The following JMJD1C variants were observed in gnomAD, a reference collection of about 807,000 sequenced individuals.
JMJD1C encodes the protein jumonji domain containing 1C.
Under a neutral mutation model 245.3 loss-of-function variants are expected in JMJD1C, and 31 were observed. The observed-to-expected ratio is 0.13, with a 90% CI of 0.09 to 0.17. The LOEUF is 0.17. JMJD1C is among the 10% of genes least tolerant of loss of function. The pLI, the probability that JMJD1C is intolerant of heterozygous loss-of-function variation, is 1.00. For synonymous variants in JMJD1C, 1,057 were observed against 1,017.4 expected (o/e 1.04, Z -0.74); for missense variants, 2,691 against 3,000.2 (o/e 0.90, Z 2.41).
intron 1 of JMJD1C, among the ~76,000 whole-genome samples, chr10:63,426,975 AT>A (rs1950478206): frequency 6.6e-6 from 1 of 152,226 alleles, no homozygotes; most frequent in African/African-American, 2.4e-5. Flanking sequence ...TGCTTCGATT[AT>A]TTCCTTAAAA....
chr10:63,428,183 A>AT (rs1163051997), intron 1 of JMJD1C, among the ~76,000 whole-genome samples: 2 of 152,148 alleles, frequency 1.3e-5, no homozygotes, highest in Non-Finnish European at 2.9e-5. Flanking sequence ...ACAGGAAAAC[A>AT]TTTTTCTTTT....
upstream of JMJD1C, chr10:63,466,378 G>C (rs1953284187): frequency 1.3e-5 from 2 of 152,866 alleles, no homozygotes; most frequent in African/African-American, 4.8e-5. Context: ...GAGTTAGCCT[G>C]AATTAGCAGT....
chr10:63,334,129 C>G (rs1343779378), intron 2 of JMJD1C, among the ~76,000 whole-genome samples: 1 of 152,172 alleles, frequency 6.6e-6, no homozygotes, highest in Non-Finnish European at 1.5e-5. Flanking sequence ...GGTAGACATA[C>G]TCCATTATTC....
At chr10:63,330,033 T>C (rs554500784) in intron 2 of JMJD1C, among the ~76,000 whole-genome samples, 37 of 152,306 alleles carry the variant, frequency 2.4e-4, no homozygotes, top group Non-Finnish European at 4.7e-4. Flanking sequence ...CCCGAGTAGC[T>C]GGGACTACAG....
chr10:63,343,583 T>C (rs544381257), intron 2 of JMJD1C, among the ~76,000 whole-genome samples: 8 of 152,198 alleles, frequency 5.3e-5, no homozygotes, highest in Middle Eastern at 3.4e-3. Context: ...GAATGTAAAA[T>C]ATGAAACTAA....
chr10:63,460,756 G>A (rs546682241), intron 1 of JMJD1C, among the ~76,000 whole-genome samples: 3 of 152,122 alleles, frequency 2.0e-5, no homozygotes, highest in South Asian at 2.1e-4. Flanking sequence ...CAGGAAAATA[G>A]CCTGTATGCT....
chr10:63,216,321 A>AT (rs1238985044), intron 5 of JMJD1C, among the ~76,000 whole-genome samples: 2 of 152,072 alleles, frequency 1.3e-5, no homozygotes, highest in Non-Finnish European at 2.9e-5. Flanking sequence ...ATAAATATCT[A>AT]TTTTTTCTAC....
intron 2 of JMJD1C, among the ~76,000 whole-genome samples, chr10:63,312,771 A>G (rs1301677356): frequency 6.6e-6 from 1 of 152,148 alleles, no homozygotes; most frequent in Admixed American, 6.6e-5. Context: ...ATTTTTTGCT[A>G]AATGTATTCC....
Position 63,377,869 on chromosome 10 carries a change from G to A in JMJD1C, c.333+2449C>T, listed in dbSNP as rs534320558. Among the ~76,000 whole-genome samples, 43 of 151,274 alleles carry A rather than the reference G, an allele frequency of 2.8e-4. No homozygotes were observed. The South Asian group carries it at 8.8e-3, about 31-fold the overall frequency. ...GCTGTGATCACACCACTGCACTCCA[G>A]CCTGTGTGGAAAAGTGAGATCTTGT... On this transcript the variant is annotated intron_variant, in intron 2 of 25. Transcript: ENST00000399262.
chr10:63,225,277 T>C (rs1849125100), intron 3 of JMJD1C, among the ~76,000 whole-genome samples: 1 of 152,140 alleles, frequency 6.6e-6, no homozygotes, highest in African/African-American at 2.4e-5. Flanking sequence ...CTACTAGTTA[T>C]AACCTCCAGC....
intron 3 of JMJD1C, among the ~76,000 whole-genome samples, chr10:63,257,226 CAAAA>C (rs71025139): frequency 2.2e-5 from 2 of 92,648 alleles, no homozygotes; most frequent in Non-Finnish European, 2.2e-5. Context: ...GACTTCATCT[CAAAA>C]AAAAAAAAAA....
intron 1 of JMJD1C, among the ~76,000 whole-genome samples, chr10:63,489,830 A>G (rs1366873393): frequency 6.6e-6 from 1 of 152,020 alleles, no homozygotes; most frequent in Non-Finnish European, 1.5e-5. Flanking sequence ...CAGGTTCTAT[A>G]CCAGGGGTCC....
At chr10:63,390,096 A>C (rs995348560) in intron 1 of JMJD1C, among the ~76,000 whole-genome samples, 7 of 152,150 alleles carry the variant, frequency 4.6e-5, no homozygotes, top group African/African-American at 1.7e-4. Flanking sequence ...GAAATGAAAA[A>C]CTGTTTTTTG....
chr10:63,390,499 G>C (rs1237016217), intron 1 of JMJD1C, among the ~76,000 whole-genome samples: 1 of 152,080 alleles, frequency 6.6e-6, no homozygotes, highest in Non-Finnish European at 1.5e-5. Context: ...AAACTGAAGA[G>C]GAGGGAATTC....
chr10:63,206,072 G>C (rs1288694598), intron 10 of JMJD1C, among the ~76,000 whole-genome samples: 1 of 152,136 alleles, frequency 6.6e-6, no homozygotes, highest in East Asian at 1.9e-4. Context: ...GCACATCTGT[G>C]AATTTTGGTA....
At chr10:63,277,289 G>A (rs986298961) in intron 2 of JMJD1C, among the ~76,000 whole-genome samples, 3 of 151,630 alleles carry the variant, frequency 2.0e-5, no homozygotes, top group South Asian at 2.1e-4. Flanking sequence ...CTGAGCCACC[G>A]AGACTCCCAG....
chr10:63,466,295 G>T (rs1953278094), upstream of JMJD1C: 1 of 154,072 alleles, frequency 6.5e-6, no homozygotes, highest in Non-Finnish European at 1.4e-5. Flanking sequence ...GTTCCACTCT[G>T]ATCACAAAAT....
intron 3 of JMJD1C, among the ~76,000 whole-genome samples, chr10:63,225,158 T>G (rs1036267326): frequency 4.6e-5 from 7 of 152,170 alleles, no homozygotes; most frequent in East Asian, 3.8e-4. Context: ...AGTTCTTATC[T>G]TGAATAACTA....
intron 2 of JMJD1C, among the ~76,000 whole-genome samples, chr10:63,368,718 G>A (rs1384644425): frequency 1.3e-5 from 2 of 152,008 alleles, no homozygotes; most frequent in African/African-American, 4.8e-5. Context: ...ACAGAGTCTC[G>A]CTCAGCTGCC....
Sources: gnomAD v4.1 joint callset for allele counts (sites outside exome capture counted in the v4.1 genomes callset) on GRCh38, gnomAD v4.1.1 for gene constraint, MANE v1.5 for transcripts, NCBI Gene and HGNC (gene_info 2026-07-23, HGNC 2026-07-21) for gene names.